Variants in NECTIN1 observed in about 807,000 individuals in gnomAD.
NECTIN1 encodes the protein nectin cell adhesion molecule 1.
Under a neutral mutation model 48.0 loss-of-function variants are expected in NECTIN1, and 23 were observed. The observed-to-expected ratio is 0.48, with a 90% CI of 0.34 to 0.68. The LOEUF (loss-of-function observed/expected upper bound fraction) is 0.68, where lower values mean the gene tolerates loss of function less well. Ranked by LOEUF, NECTIN1 falls within the 30% of genes least tolerant of loss-of-function variation. The pLI, the probability that NECTIN1 is intolerant of heterozygous loss-of-function variation, is 0.01. For synonymous variants in NECTIN1, 270 were observed against 288.9 expected, an observed-to-expected ratio of 0.93 and a Z score of 0.66; for missense variants, 591 against 709.9, an observed-to-expected ratio of 0.83 and a Z score of 1.90.
chr11:119,664,839 A>G lies in NECTIN1; in HGVS notation c.1462T>C (p.Tyr488His). Reference sequence around the variant, plus strand: ...TCCAGCTGCTCAGGGTCGTACTGGTAGCCCAGAGTCCGGTCCCCGTAGCCG... The same window carrying G: ...TCCAGCTGCTCAGGGTCGTACTGGTGGCCCAGAGTCCGGTCCCCGTAGCCG... The part of the protein sequence containing the change: ...QDGYGDRTLG[Y>H]QYDPEQLDLA... The change falls in exon 6 of 6, where the codon TAC becomes CAC. Residue 488 changes from tyrosine to histidine, a missense_variant. Tyr to His is a moderately conservative substitution (Grantham distance 83, BLOSUM62 2). Transcript: ENST00000264025. 6.2e-7 allele frequency: 1 copy of G among 1,613,964 alleles called. No individual in the cohort carries two copies. Among genetic ancestry groups the G allele is most frequent in the Non-Finnish European group, 8.5e-7 (1 of 1,179,934 alleles).
chr11:119,699,075 A>C (rs953191722), intron 1 of NECTIN1, among the ~76,000 whole-genome samples: 4 of 152,112 alleles, frequency 2.6e-5, no homozygotes, highest in African/African-American at 9.7e-5. Flanking sequence ...CTGGTCCTGG[A>C]GTCCTATGTT....
chr11:119,656,284 A>G (rs1254562917), downstream of NECTIN1: 1 of 149,812 alleles, frequency 6.7e-6, no homozygotes, highest in African/African-American at 2.4e-5. Flanking sequence ...TGGGCTGGGT[A>G]CTGGGGATGA....
At position 119,673,523 on chromosome 11, in the gene NECTIN1, AGT is replaced by A. The variant is rs1335284278; in HGVS notation, c.1003+1634_1003+1635del. Among the ~76,000 whole-genome samples the A allele has an allele frequency of 2.6e-5, 4 of 152,190 alleles. No homozygotes were observed. The East Asian group carries it at 7.7e-4, about 29-fold the overall frequency. On this transcript the variant is annotated intron_variant, in intron 5 of 5. Transcript: ENST00000264025. This position sits in a 1 kb window ranked among gnomAD's most constrained non-coding sequence, Gnocchi z 5.8. ...GCATGATCGTAAGAAGCCTGAGACA[AGT>A]GTGAGTATCCCCATATCAGAGGTTA...
At chr11:119,725,204 T>TTCTGGCC (rs1865891162) in intron 1 of NECTIN1, among the ~76,000 whole-genome samples, 1 of 152,124 alleles carries the variant, frequency 6.6e-6, no homozygotes, top group African/African-American at 2.4e-5. Context: ...AGCACTAGGG[T>TTCTGGCC]TCTGGCCGGC....
rs1031450441 is a variant in NECTIN1 at position 119,683,116 on chromosome 11, C to T, written c.80-4351G>A. Among the ~76,000 whole-genome samples, 1 of 152,174 alleles carries T rather than the reference C, an allele frequency of 6.6e-6. No individual in the cohort carries two copies. The highest frequency in any genetic ancestry group is 1.5e-5 in the Non-Finnish European group (1 of 68,022). On this transcript the variant is annotated intron_variant, in intron 1 of 5. Transcript: ENST00000264025. The surrounding 1 kb of genome is among the most constrained non-coding windows in gnomAD (Gnocchi z 4.0). ...GCAGGGTCCAGGGCTTGGGGAGTTC[C>T]CTGCTGACTTTCTCTGATTCCCTAA...
intron 1 of NECTIN1, among the ~76,000 whole-genome samples, chr11:119,722,530 C>T (rs1486822420): frequency 6.6e-6 from 1 of 152,264 alleles, no homozygotes; most frequent in East Asian, 1.9e-4. Context: ...GCAATGGTGC[C>T]CCAGCTGGGC....
rs551591281 is a variant in NECTIN1 at position 119,683,933 on chromosome 11, G to A, written c.80-5168C>T. On this transcript the variant is annotated intron_variant, in intron 1 of 5. Coordinates refer to ENST00000264025, the MANE Select transcript of NECTIN1 (RefSeq NM_002855.5). This position sits in a 1 kb window ranked among gnomAD's most constrained non-coding sequence, Gnocchi z 4.0. ...GAGCCAGCATGACGGGCCTCAGGCCGGCCCCCTGAGACGTCACAGACCTGC... is the reference window on the plus strand; with the variant it reads ...GAGCCAGCATGACGGGCCTCAGGCCAGCCCCCTGAGACGTCACAGACCTGC... Among the ~76,000 whole-genome samples, 1 of 152,012 alleles carries A rather than the reference G, an allele frequency of 6.6e-6. No homozygotes were observed. The highest frequency in any genetic ancestry group is 2.4e-5 in the African/African-American group (1 of 41,492).
intron 1 of NECTIN1, among the ~76,000 whole-genome samples, chr11:119,687,655 C>T (rs1052094786): frequency 1.3e-5 from 2 of 152,154 alleles, no homozygotes; most frequent in Non-Finnish European, 2.9e-5. Context: ...AGGCGGGGGG[C>T]TGCCGAGAAA....
intron 1 of NECTIN1, among the ~76,000 whole-genome samples, chr11:119,698,914 G>T (rs887780500): frequency 1.5e-4 from 23 of 152,132 alleles, no homozygotes; most frequent in African/African-American, 4.8e-4. Context: ...CTCCCCAAAG[G>T]CCACAGCTGC....
chr11:119,647,736 C>A (rs1043206859), intron 5 of NECTIN1, among the ~76,000 whole-genome samples: 3 of 152,086 alleles, frequency 2.0e-5, no homozygotes, highest in African/African-American at 7.2e-5. Context: ...AGCAGTGTGA[C>A]CTTAACTGTG....
Position 119,683,513 on chromosome 11 carries a change from T to C in NECTIN1, c.80-4748A>G, listed in dbSNP as rs1332003216. Reference sequence around the variant, plus strand: ...ACAATACTGGGGTGGCCATTGCATCTGCAGGTCACCTGACTGGGTGTCAGG... The same window carrying C: ...ACAATACTGGGGTGGCCATTGCATCCGCAGGTCACCTGACTGGGTGTCAGG... On this transcript the variant is annotated intron_variant, in intron 1 of 5. Transcript: ENST00000264025. This position sits in a 1 kb window ranked among gnomAD's most constrained non-coding sequence, Gnocchi z 4.0. 6.6e-6 allele frequency among the ~76,000 whole-genome samples: 1 copy of C among 152,008 alleles called. No homozygotes were observed. The highest frequency in any genetic ancestry group is 2.4e-5 in the African/African-American group (1 of 41,366).
intron 1 of NECTIN1, among the ~76,000 whole-genome samples, chr11:119,692,411 ATG>A (rs60998928): frequency 2.6e-3 from 367 of 141,584 alleles, no homozygotes; most frequent in South Asian, 9.8e-3. Flanking sequence ...TGTGGCAGTG[ATG>A]TGTGTGTGTG....
intron 1 of NECTIN1, among the ~76,000 whole-genome samples, chr11:119,718,181 A>T (rs933146515): frequency 1.3e-5 from 2 of 152,112 alleles, no homozygotes; most frequent in Middle Eastern, 3.2e-3. Flanking sequence ...CCTCGAGAGG[A>T]CAATCTGCAC....
intron 1 of NECTIN1, among the ~76,000 whole-genome samples, chr11:119,688,176 A>G (rs535957966): frequency 6.6e-6 from 1 of 152,362 alleles, no homozygotes; most frequent in Non-Finnish European, 1.5e-5. Context: ...AAATGGGGCC[A>G]GTAATAGTAC....
chr11:119,662,795 A>C lies in NECTIN1; in HGVS notation c.*1952T>G, dbSNP rs1864690248. 1.0e-6 allele frequency: 1 copy of C among 985,896 alleles called. No individual in the cohort carries two copies. The highest frequency in any genetic ancestry group is 1.8e-5 in the African/African-American group (1 of 57,086). 61.1% of individuals were successfully genotyped at this position (985,896 alleles called of 1,614,324 possible). On this transcript the variant is annotated 3_prime_UTR_variant, in exon 6 of 6. Transcript: ENST00000264025. This position sits in a 1 kb window ranked among gnomAD's most constrained non-coding sequence, Gnocchi z 5.3. ...CTCCCTCTGCCCTGTGGCTGGAAAG[A>C]CTCCACAATTTTCTCCCCTAACTTC...
chr11:119,682,889 C>T (rs1378451642), intron 1 of NECTIN1, among the ~76,000 whole-genome samples: 1 of 152,186 alleles, frequency 6.6e-6, no homozygotes, highest in East Asian at 1.9e-4. Flanking sequence ...TTCCAGGACG[C>T]CCTTGTGACT....
intron 1 of NECTIN1, among the ~76,000 whole-genome samples, chr11:119,696,038 T>C (rs149722411): frequency 1.3e-5 from 2 of 152,262 alleles, no homozygotes; most frequent in East Asian, 1.9e-4. Flanking sequence ...GCCAAAGGGG[T>C]GAGGAAGAGG....
chr11:119,671,588 C>T (rs1864862493), intron 5 of NECTIN1, among the ~76,000 whole-genome samples: 1 of 152,158 alleles, frequency 6.6e-6, no homozygotes, highest in Non-Finnish European at 1.5e-5. Context: ...TTGGGTTTGC[C>T]TCCGAAACCA....
chr11:119,663,627 A>C lies in NECTIN1; in HGVS notation c.*1120T>G. ...TCCTTCCCCACTACCCTCCGTGTGG[A>C]TGCTTCTTTACCTCTGACTCCTGCA... On this transcript the variant is annotated 3_prime_UTR_variant, in exon 6 of 6. Coordinates refer to ENST00000264025, the MANE Select transcript of NECTIN1 (RefSeq NM_002855.5). 9.1e-6 allele frequency: 9 copies of C among 985,578 alleles called. No homozygotes were observed. Among genetic ancestry groups the C allele is most frequent in the Non-Finnish European group, 1.1e-5 (9 of 829,968 alleles). The allele number at this position is 985,578 out of a possible 1,614,324, so 61.1% of individuals were successfully genotyped here. A position where few individuals can be genotyped will look rare whatever the true frequency, so the allele number is the denominator to read the frequency against.
Sources: gnomAD v4.1 joint callset for allele counts (sites outside exome capture counted in the v4.1 genomes callset) on GRCh38, gnomAD v4.1.1 for gene constraint, Gnocchi (gnomAD v3.1) non-coding constraint, MANE v1.5 for transcripts, NCBI Gene and HGNC (gene_info 2026-07-23, HGNC 2026-07-21) for gene names.